Variants in VPS13B observed in about 807,000 individuals in gnomAD.
The protein encoded by VPS13B is intermembrane lipid transfer protein VPS13B.
VPS13B carries 285 observed loss-of-function variants against 426.4 expected under a neutral mutation model. The ratio of observed to expected loss-of-function variants is 0.67; its 90% CI spans 0.61 to 0.74. The LOEUF is 0.74. VPS13B is among the 30% of genes least tolerant of loss of function. VPS13B has a pLI of 0.00. For synonymous variants in VPS13B, 1,676 were observed against 1,676.4 expected (o/e 1.00, Z 0.01); for missense variants, 4,537 against 4,782.6 (o/e 0.95, Z 1.51).
chr8:99,532,632 C>G (rs1164351354), intron 30 of VPS13B, among the ~76,000 whole-genome samples: 1 of 151,846 alleles, frequency 6.6e-6, no homozygotes, highest in Non-Finnish European at 1.5e-5. Context: ...TGCTCTGTTT[C>G]TTACTATGAG....
chr8:99,759,037 C>T (rs1021055747), intron 39 of VPS13B, among the ~76,000 whole-genome samples: 4 of 151,866 alleles, frequency 2.6e-5, no homozygotes, highest in African/African-American at 9.7e-5. Flanking sequence ...TAATTATATT[C>T]TCCTCATCCC....
At chr8:99,076,813 A>G (rs1361235261) in intron 3 of VPS13B, among the ~76,000 whole-genome samples, 1 of 152,028 alleles carries the variant, frequency 6.6e-6, no homozygotes, top group Non-Finnish European at 1.5e-5. Context: ...AAATTCATTA[A>G]GCCAGTCTAT....
intron 23 of VPS13B, among the ~76,000 whole-genome samples, chr8:99,453,010 G>A (rs908462986): frequency 5.9e-5 from 9 of 152,188 alleles, no homozygotes. Context: ...CTTTGAATGA[G>A]TTGCCTGTGA....
At chr8:99,219,089 A>T (rs770925441) in intron 17 of VPS13B, among the ~76,000 whole-genome samples, 22 of 151,996 alleles carry the variant, frequency 1.4e-4, no homozygotes, top group Non-Finnish European at 2.6e-4. Context: ...TTTTTTTTCT[A>T]TAGTTTGTGG....
intron 21 of VPS13B, among the ~76,000 whole-genome samples, chr8:99,393,343 GT>G (rs929231703): frequency 1.3e-5 from 2 of 151,924 alleles, no homozygotes; most frequent in Non-Finnish European, 2.9e-5. Flanking sequence ...TATACTTTAT[GT>G]TTTTATAAGA....
At chr8:99,430,702 A>ACCCC (rs796824615) in intron 21 of VPS13B, among the ~76,000 whole-genome samples, 1 of 124,902 alleles carries the variant, frequency 8.0e-6, no homozygotes, top group African/African-American at 2.9e-5. Context: ...ATCAAAATCC[A>ACCCC]CCCCCCCCCC....
At chr8:99,435,568 A>G (rs770802356) in intron 22 of VPS13B, among the ~76,000 whole-genome samples, 44 of 152,200 alleles carry the variant, frequency 2.9e-4, no homozygotes, top group Non-Finnish European at 2.6e-4. Flanking sequence ...CCAGGATTAA[A>G]TAACAGGAAT....
chr8:99,437,439 C>T (rs896668837), intron 22 of VPS13B, among the ~76,000 whole-genome samples: 4 of 151,328 alleles, frequency 2.6e-5, no homozygotes, highest in African/African-American at 7.3e-5. Context: ...ACTTTGGGGC[C>T]AGGCACGGTG....
intron 33 of VPS13B, chr8:99,577,857 A>C (rs1825850053): frequency 3.5e-6 from 2 of 570,540 alleles, no homozygotes; most frequent in African/African-American, 3.8e-5. Flanking sequence ...ATTGCTGTGG[A>C]CTGACCTCAG....
intron 17 of VPS13B, among the ~76,000 whole-genome samples, chr8:99,200,994 A>AT (rs886691940): frequency 8.1e-5 from 12 of 147,854 alleles, no homozygotes; most frequent in Non-Finnish European, 1.5e-4. Context: ...TAGTCCTTTT[A>AT]TTTTTTTCAT....
At chr8:99,628,133 CAA>C (rs1372133877) in intron 33 of VPS13B, among the ~76,000 whole-genome samples, 1 of 152,310 alleles carries the variant, frequency 6.6e-6, no homozygotes, top group East Asian at 1.9e-4. Flanking sequence ...AAGCTGTGAA[CAA>C]AGTCAGTTTT....
At chr8:99,277,867 C>T (rs914496101) in intron 19 of VPS13B, among the ~76,000 whole-genome samples, 3 of 152,158 alleles carry the variant, frequency 2.0e-5, no homozygotes, top group African/African-American at 4.8e-5. Flanking sequence ...CATAAGCTAA[C>T]AATAAATACT....
intron 51 of VPS13B, among the ~76,000 whole-genome samples, chr8:99,826,885 T>C (rs890504605): frequency 1.3e-5 from 2 of 152,192 alleles, no homozygotes; most frequent in African/African-American, 2.4e-5. Context: ...TTGATTTGTG[T>C]GTGTTGAACC....
chr8:99,718,958 G>C (rs912280415), intron 37 of VPS13B, among the ~76,000 whole-genome samples: 12 of 151,976 alleles, frequency 7.9e-5, no homozygotes, highest in African/African-American at 2.9e-4. Context: ...CCAATTTTTT[G>C]TATTTATCTA....
chr8:99,698,071 C>T (rs1300834481), intron 35 of VPS13B: 3 of 323,278 alleles, frequency 9.3e-6, no homozygotes, highest in East Asian at 1.4e-4. Flanking sequence ...TGGCGAGGGC[C>T]GTGAGAGCAA....
intron 19 of VPS13B, among the ~76,000 whole-genome samples, chr8:99,377,778 C>A (rs1007020381): frequency 2.0e-5 from 3 of 152,084 alleles, no homozygotes; most frequent in Non-Finnish European, 2.9e-5. Flanking sequence ...AGCTGTAAAA[C>A]CAGCAAGTCT....
At position 99,138,956 on chromosome 8, in the gene VPS13B, G is replaced by A. The variant is rs79912580; in HGVS notation, c.1651+2204G>A. Among the ~76,000 whole-genome samples, 1,296 of 152,240 alleles carry A rather than the reference G, an allele frequency of 8.5e-3. 21 individuals carry two copies. Among genetic ancestry groups the A allele is most frequent in the African/African-American group, 0.029 (1,219 of 41,548 alleles). On this transcript the variant is annotated intron_variant, in intron 12 of 61. Coordinates refer to ENST00000357162, the MANE Select transcript of VPS13B (RefSeq NM_152564.5). ...TGCAGTTTTTAAAAGATAGAAACAT[G>A]ATTTATGTTTGTTAGATTGTTTATA...
intron 30 of VPS13B, among the ~76,000 whole-genome samples, chr8:99,523,283 G>GGCCC (rs1285809130): frequency 1.3e-5 from 2 of 152,148 alleles, no homozygotes; most frequent in Non-Finnish European, 2.9e-5. Flanking sequence ...TTGGGAGCCG[G>GGCCC]GGAACTCACC....
At position 99,203,739 on chromosome 8, in the gene VPS13B, T is replaced by A. The variant is rs1174183138; in HGVS notation, c.2515+10682T>A. Among the ~76,000 whole-genome samples the A allele has an allele frequency of 5.3e-5, 8 of 152,282 alleles. No individual in the cohort carries two copies. In the East Asian group the frequency reaches 1.5e-3, roughly 29 times the overall value. On this transcript the variant is annotated intron_variant, in intron 17 of 61. Transcript: ENST00000357162. ...CAATAATAGACAAACAGCCAAATCA[T>A]GAGCAAACTCCCATTCACAATTTTT... is the stretch of plus-strand genomic sequence containing the variant.
Sources: allele counts gnomAD v4.1 joint callset (sites outside exome capture counted in the v4.1 genomes callset), GRCh38; gene constraint gnomAD v4.1.1; transcripts MANE v1.5; gene names NCBI Gene and HGNC (gene_info 2026-07-23, HGNC 2026-07-21).